TNC: variants seen among roughly 807,000 people sequenced by gnomAD.
TNC encodes tenascin C.
Under a neutral mutation model 202.4 loss-of-function variants are expected in TNC, and 109 were observed. The observed-to-expected ratio is 0.54, with a 90% CI of 0.46 to 0.63. The LOEUF (loss-of-function observed/expected upper bound fraction) is 0.63, where lower values mean the gene tolerates loss of function less well. Among genes scored for constraint, TNC ranks in the 30% least tolerant of loss-of-function variants. The pLI is 0.00. For missense variants in TNC, 2,756 were observed against 2,833.3 expected, an observed-to-expected ratio of 0.97 and a Z score of 0.62; for synonymous variants, 1,007 against 1,089.7, an observed-to-expected ratio of 0.92 and a Z score of 1.50.
chr9:115,081,804 C>T lies in TNC; in HGVS notation c.2372G>A (p.Arg791Gln), dbSNP rs375139483. ...ISLHIVKNNT[R>Q]GPGLKRVTTT... ...GGTCACCCTCTTCAGGCCAGGGCCC[C>T]GGGTATTGTTTTTCACTATGTGCAG... The change falls in exon 6 of 28, where the codon CGG (arginine) becomes CAG (glutamine). Residue 791 changes from arginine to glutamine, a missense_variant. Physicochemically the swap from Arg to Gln is conservative, Grantham distance 43. Coordinates refer to ENST00000350763, the MANE Select transcript of TNC (RefSeq NM_002160.4). 2.8e-5 allele frequency: 45 copies of T among 1,613,678 alleles called. 1 individual carries two copies. In the South Asian group the frequency reaches 3.3e-4, roughly 12 times the overall value.
Position 115,078,107 on chromosome 9 carries a change from T to C in TNC, c.2510A>G (p.Tyr837Cys). 6.2e-7 allele frequency: 1 copy of C among 1,614,226 alleles called. No individual in the cohort carries two copies. Among genetic ancestry groups the C allele is most frequent in the Non-Finnish European group, 8.5e-7 (1 of 1,180,032 alleles). Residue 837 changes from tyrosine (Y) to cysteine (C), a missense_variant, in exon 7 of 28, where the codon TAC becomes TGC. This residue lies in a region of TNC where 2,559 missense variants were observed against 2,546.0 expected (regional missense o/e 1.01). Transcript: ENST00000350763. ...LAEIDGIELT[Y>C]GIKDVPGDRT... The stretch of plus-strand genomic sequence containing the variant: ...GTCTCCTGGCACGTCTTTGATGCCG[T>C]AGGTCAGCTCAATGCCATCGATCTC...
chr9:115,051,517 T>A (rs1224826697), intron 15 of TNC, among the ~76,000 whole-genome samples: 5 of 132,448 alleles, frequency 3.8e-5, no homozygotes, highest in African/African-American at 1.5e-4. Flanking sequence ...TCTAGGTGAT[T>A]TTTCTTTTTT....
chr9:115,057,034 A>G (rs1832175963), intron 15 of TNC, 119 bp downstream of exon 15: 2 of 1,247,568 alleles, frequency 1.6e-6, no homozygotes, highest in Non-Finnish European at 2.2e-6. Context: ...CCAGCCTAGC[A>G]CCATGGAAGA....
intron 1 of TNC, among the ~76,000 whole-genome samples, chr9:115,108,802 C>A (rs1295813931): frequency 6.6e-6 from 1 of 152,120 alleles, no homozygotes; most frequent in Admixed American, 6.6e-5. Flanking sequence ...TTAAAAGAGA[C>A]CCCATAGAGC....
Position 115,078,091 on chromosome 9 carries a change from C to A in TNC, c.2526G>T (p.Val842=). The A allele has an allele frequency of 6.2e-7, 1 of 1,614,150 alleles. No homozygotes were observed. Among genetic ancestry groups the A allele is most frequent in the Non-Finnish European group, 8.5e-7 (1 of 1,180,034 alleles). The stretch of plus-strand genomic sequence containing the variant: ...GATCGATGGTGGTACGGTCTCCTGG[C>A]ACGTCTTTGATGCCGTAGGTCAGCT... ...GIELTYGIKD[V]PGDRTTIDLT... Residue 842 remains valine (V), a synonymous_variant, in exon 7 of 28, where the codon GTG becomes GTT. Transcript: ENST00000350763.
At chr9:115,077,512 T>TC (rs1833968424) in intron 7 of TNC, among the ~76,000 whole-genome samples, 2 of 152,234 alleles carry the variant, frequency 1.3e-5, no homozygotes. Flanking sequence ...TTCTAATAAC[T>TC]CACAAAGTAC....
intron 10 of TNC, among the ~76,000 whole-genome samples, chr9:115,070,614 A>G (rs1833395059): frequency 6.6e-6 from 1 of 152,196 alleles, no homozygotes; most frequent in African/African-American, 2.4e-5. Flanking sequence ...CCATCAGTAA[A>G]ACCCTGGAAT....
At position 115,036,216 on chromosome 9, in the gene TNC, G is replaced by A. The variant is rs754866405; in HGVS notation, c.5538C>T (p.Ser1846=). 17 of 1,613,972 alleles carry A rather than the reference G, an allele frequency of 1.1e-5. No homozygotes were observed. Among genetic ancestry groups the A allele is most frequent in the Admixed American group, 1.0e-4 (6 of 60,000 alleles). The part of the protein sequence containing the change: ...EKVPEITRTV[S]GNTVEYALTD... ...TCAGAGCATACTCCACTGTGTTCCCGGACACCGTGCGTGTAATTTCTGGCA... is the reference window on the plus strand; with the variant it reads ...TCAGAGCATACTCCACTGTGTTCCCAGACACCGTGCGTGTAATTTCTGGCA... Residue 1846 remains serine, a synonymous_variant, in exon 21 of 28, where the codon TCC becomes TCT. Coordinates refer to ENST00000350763, the MANE Select transcript of TNC (RefSeq NM_002160.4).
Position 115,042,292 on chromosome 9 carries a change from C to T in TNC, c.5175G>A (p.Ser1725=), listed in dbSNP as rs142637713. 55 of 1,614,062 alleles carry T rather than the reference C, an allele frequency of 3.4e-5. No individual in the cohort carries two copies. The Middle Eastern group carries it at 4.9e-4, about 15-fold the overall frequency. Residue 1725 remains serine (S), a synonymous_variant, in exon 18 of 28, where the codon TCG becomes TCA. Coordinates refer to ENST00000350763, the MANE Select transcript of TNC (RefSeq NM_002160.4). ...EVIFSDITEN[S]ATVSWRAPTA... ...TGGGTGCCCTCCAGCTGACAGTAGC[C>T]GAATTTTCAGTGATGTCTGAGAAAA...
intron 6 of TNC, among the ~76,000 whole-genome samples, chr9:115,078,853 A>T (rs946850063): frequency 2.0e-5 from 3 of 152,150 alleles, no homozygotes; most frequent in African/African-American, 7.2e-5. Context: ...GAAGCACATT[A>T]TGCTGTTGGG....
chr9:115,084,420 G>GT lies in TNC; in HGVS notation c.1919dup (p.Asn640LysfsTer7). 3 of 1,614,178 alleles carry GT rather than the reference G, an allele frequency of 1.9e-6. No individual in the cohort carries two copies. The highest frequency in any genetic ancestry group is 2.5e-6 in the Non-Finnish European group (3 of 1,180,034). The stretch of plus-strand genomic sequence containing the variant: ...CCCGCATCTCATTGTCCCAGGCCAG[G>GT]TTGACCGTCTCTTCCGTCACTTCTG... On this transcript the variant is annotated frameshift_variant, in exon 4 of 28. Coordinates refer to ENST00000350763, the MANE Select transcript of TNC (RefSeq NM_002160.4). LOFTEE classifies it high-confidence loss of function.
chr9:115,048,392 C>T lies in TNC; in HGVS notation c.4720G>A (p.Glu1574Lys), dbSNP rs374568464. The change falls in exon 16 of 28, where the codon GAA becomes AAA. Residue 1574 changes from glutamate to lysine, a missense_variant. Coordinates refer to ENST00000350763, the MANE Select transcript of TNC (RefSeq NM_002160.4). ...CTCTGGGTTCCTGAAAGTGTGAATT[C>T]CTGGGGGTCCAGCAGCTTCCCAGAA... ...VDSGKLLDPQ[E>K]FTLSGTQRKL... The T allele has an allele frequency of 1.2e-6, 2 of 1,614,044 alleles. No homozygotes were observed. Among genetic ancestry groups the T allele is most frequent in the South Asian group, 2.2e-5 (2 of 91,074 alleles).
intron 14 of TNC, among the ~76,000 whole-genome samples, chr9:115,059,432 G>A (rs1271430866): frequency 6.6e-6 from 1 of 152,092 alleles, no homozygotes; most frequent in Non-Finnish European, 1.5e-5. Flanking sequence ...AAACCATCAG[G>A]CTGATTCCTG....
rs755228818 is a variant in TNC, at chr9:115,076,574, G to T, written c.2676C>A (p.Gly892=). Residue 892 remains glycine, a splice_region_variant and synonymous_variant, in exon 8 of 28, where the codon GGC becomes GGA. Coordinates refer to ENST00000350763, the MANE Select transcript of TNC (RefSeq NM_002160.4). ...GTCGAAGATTCCTGGGAGCATCGAG[G>T]CCTGTTTGAGAGAAGGAACATTTGT... ...SNPAKETFTT[G]LDAPRNLRRV... is the part of the protein sequence containing the mutation. 4 of 1,614,040 alleles carry T rather than the reference G, an allele frequency of 2.5e-6. No homozygotes were observed. Among genetic ancestry groups the T allele is most frequent in the South Asian group, 1.1e-5 (1 of 91,034 alleles).
chr9:115,090,874 C>A lies in TNC; in HGVS notation c.145G>T (p.Val49Leu), dbSNP rs1159369071. Residue 49 changes from valine to leucine, a missense_variant, in exon 2 of 28, where the codon GTG becomes TTG. Val to Leu is a conservative substitution (Grantham distance 32). Transcript: ENST00000350763. The part of the protein sequence containing the change: ...ATLPEENQPV[V>L]FNHVYNIKLP... ...TTGATGTTGTAAACGTGGTTAAACA[C>A]CACTGGCTGGTTCTCTTCTGGCAGG... 36 of 1,614,098 alleles carry A rather than the reference C, an allele frequency of 2.2e-5. No homozygotes were observed. The highest frequency in any genetic ancestry group is 3.0e-5 in the Non-Finnish European group (35 of 1,180,038).
In TNC at chr9:115,031,654, T is replaced by C; in HGVS notation, c.5819A>G (p.Tyr1940Cys). ...GGATGGGCTCAGGTCTGCCAGGCTG[T>C]AGGAGGTGGTATCTGGACCCACAAT... ...EVIVGPDTTSYSLADLSPSTH... is the reference protein window; with the variant it reads ...EVIVGPDTTSCSLADLSPSTH... The change falls in exon 23 of 28, where the codon TAC becomes TGC. Residue 1940 changes from tyrosine to cysteine, a missense_variant. Around this residue, in one of 2 missense-constraint regions of TNC, gnomAD observed 2,559 missense variants for 2,546.0 expected, o/e 1.01. Transcript: ENST00000350763. 6.2e-7 allele frequency: 1 copy of C among 1,611,640 alleles called. No homozygotes were observed.
At position 115,086,246 on chromosome 9, in the gene TNC, G is replaced by C. The variant is rs1834719236; in HGVS notation, c.1485C>G (p.Asp495Glu). 6.2e-7 allele frequency: 1 copy of C among 1,614,230 alleles called. No homozygotes were observed. Among genetic ancestry groups the C allele is most frequent in the Non-Finnish European group, 8.5e-7 (1 of 1,180,050 alleles). ...CVCDDGYTGEDCRDRQCPRDC... is the reference protein window; with the variant it reads ...CVCDDGYTGEECRDRQCPRDC... The stretch of plus-strand genomic sequence containing the variant: ...CCCTGGGGCATTGGCGATCCCGGCA[G>C]TCTTCCCCTGTGTAGCCGTCATCAC... Residue 495 changes from aspartate (D) to glutamate (E), a missense_variant, in exon 3 of 28, where the codon GAC becomes GAG. Physicochemically the swap from Asp to Glu is conservative, Grantham distance 45. Coordinates refer to ENST00000350763, the MANE Select transcript of TNC (RefSeq NM_002160.4).
intron 20 of TNC, among the ~76,000 whole-genome samples, chr9:115,036,853 C>T (rs554768903): frequency 3.3e-4 from 50 of 152,256 alleles, no homozygotes; most frequent in African/African-American, 1.1e-3. Context: ...CCAGGGACTG[C>T]GGGATTTCCT....
chr9:115,026,793 A>G (rs1184811880), intron 25 of TNC, 98 bp from the exon 26 acceptor site: 2 of 1,056,444 alleles, frequency 1.9e-6, no homozygotes, highest in East Asian at 5.1e-5. Context: ...CACTTAAGAC[A>G]GGGCCAACTG....
Sources: gnomAD v4.1 joint callset for allele counts (sites outside exome capture counted in the v4.1 genomes callset) on GRCh38, gnomAD v4.1.1 for gene constraint, gnomAD v4.1.1 regional missense constraint, MANE v1.5 for transcripts, NCBI Gene and HGNC (gene_info 2026-07-23, HGNC 2026-07-21) for gene names.